The following BBX variants were observed in gnomAD, a reference collection of about 807,000 sequenced individuals.
BBX encodes HMG box transcription factor BBX.
BBX carries 30 observed loss-of-function variants against 100.2 expected under a neutral mutation model. The observed-to-expected ratio is 0.30, with a 90% confidence interval of 0.22 to 0.41. BBX has a LOEUF of 0.41. BBX is among the 10% of genes least tolerant of loss of function. The pLI is 1.00. For missense variants in BBX, 1,023 were observed against 1,129.8 expected, an observed-to-expected ratio of 0.91 and a Z score of 1.35; for synonymous variants, 376 against 388.1, an observed-to-expected ratio of 0.97 and a Z score of 0.37.
intron 2 of BBX, among the ~76,000 whole-genome samples, chr3:107,619,392 T>C (rs935412253): frequency 1.3e-5 from 2 of 152,144 alleles, no homozygotes; most frequent in African/African-American, 4.8e-5. Context: ...ACTTCCTCCA[T>C]TGGTAATATA....
intron 12 of BBX, among the ~76,000 whole-genome samples, chr3:107,777,063 C>T (rs2067376598): frequency 6.6e-6 from 1 of 152,138 alleles, no homozygotes; most frequent in African/African-American, 2.4e-5. Flanking sequence ...ATAAACAACT[C>T]ATAAGTTTTA....
intron 2 of BBX, among the ~76,000 whole-genome samples, chr3:107,613,382 T>A (rs1334617677): frequency 1.3e-5 from 2 of 149,316 alleles, no homozygotes; most frequent in Admixed American, 1.3e-4. Flanking sequence ...TCTCGTATCC[T>A]AAAATACATT....
At chr3:107,555,800 G>A (rs1464485559) in intron 2 of BBX, among the ~76,000 whole-genome samples, 2 of 152,130 alleles carry the variant, frequency 1.3e-5, no homozygotes, top group African/African-American at 4.8e-5. Flanking sequence ...ATCTGAACAA[G>A]TAGTAATTTC....
chr3:107,659,382 A>G (rs1476943622), intron 3 of BBX, among the ~76,000 whole-genome samples: 2 of 152,022 alleles, frequency 1.3e-5, no homozygotes, highest in Non-Finnish European at 2.9e-5. Context: ...TAATATTTAT[A>G]TTAACTAGAG....
At chr3:107,637,038 A>G (rs1019201481) in intron 2 of BBX, among the ~76,000 whole-genome samples, 6 of 152,340 alleles carry the variant, frequency 3.9e-5, no homozygotes, top group East Asian at 3.9e-4. Flanking sequence ...TAATATAGTT[A>G]GAATGTAATA....
rs975038294 is a variant in BBX, at chr3:107,809,650, C to T, written c.*4193C>T. On this transcript the variant is annotated 3_prime_UTR_variant, in exon 18 of 18. Coordinates refer to ENST00000325805, the MANE Select transcript of BBX (RefSeq NM_001142568.3). The stretch of plus-strand genomic sequence containing the variant: ...AGTGTTTTGACTTCACAAACTGCCT[C>T]CTCCAGAGAGAACAATGTATTGCTG... 1 of 152,194 alleles carries T rather than the reference C, an allele frequency of 6.6e-6. No individual in the cohort carries two copies. The highest frequency in any genetic ancestry group is 2.4e-5 in the African/African-American group (1 of 41,448). The allele number at this position is 152,194 out of a possible 1,614,324, so 9.4% of individuals were successfully genotyped here.
At position 107,764,192 on chromosome 3, in the gene BBX, G is replaced by A. The variant is rs140041407; in HGVS notation, c.907-8436G>A. ...TTTCCAGTAGAGACAGGGTTTCACCGTGTTAGTCAGGCTGGTCTCGAACTC... is the reference window on the plus strand; with the variant it reads ...TTTCCAGTAGAGACAGGGTTTCACCATGTTAGTCAGGCTGGTCTCGAACTC... On this transcript the variant is annotated intron_variant, in intron 10 of 17. Transcript: ENST00000325805. 2.4e-3 allele frequency among the ~76,000 whole-genome samples: 364 copies of A among 152,178 alleles called. 2 individuals carry two copies. Among genetic ancestry groups the A allele is most frequent in the African/African-American group, 7.2e-3 (297 of 41,518 alleles).
chr3:107,616,278 T>G (rs2055273540), intron 2 of BBX, among the ~76,000 whole-genome samples: 1 of 151,916 alleles, frequency 6.6e-6, no homozygotes, highest in Admixed American at 6.6e-5. Context: ...AATGGTATAA[T>G]GCAAATATTT....
intron 2 of BBX, among the ~76,000 whole-genome samples, chr3:107,595,095 G>A (rs981169549): frequency 2.2e-4 from 33 of 152,140 alleles, no homozygotes; most frequent in African/African-American, 8.0e-4. Flanking sequence ...TGTTTCAGTG[G>A]GGCAAGCATG....
At chr3:107,535,387 G>A (rs1446889563) in intron 2 of BBX, among the ~76,000 whole-genome samples, 1 of 151,958 alleles carries the variant, frequency 6.6e-6, no homozygotes, top group African/African-American at 2.4e-5. Flanking sequence ...CATTGTCAAA[G>A]ACTAAGCCTT....
At chr3:107,635,134 C>CA (rs35586062) in intron 2 of BBX, among the ~76,000 whole-genome samples, 39,229 of 151,966 alleles carry the variant, frequency 0.26, 6,282 homozygotes, top group East Asian at 0.88. Flanking sequence ...AAAAATAACT[C>CA]AAACACTGTG....
chr3:107,753,608 T>C lies in BBX; in HGVS notation c.826-1990T>C, dbSNP rs143668477. On this transcript the variant is annotated intron_variant, in intron 9 of 17. Coordinates refer to ENST00000325805, the MANE Select transcript of BBX (RefSeq NM_001142568.3). The stretch of plus-strand genomic sequence containing the variant: ...GTGCATCCATGCAGTCAGTCATTCA[T>C]GAGCCTCTCAGTGTGCCATGCACTG... Among the ~76,000 whole-genome samples, 117 of 152,326 alleles carry C rather than the reference T, an allele frequency of 7.7e-4. 2 individuals carry two copies. In the East Asian group the frequency reaches 0.022, roughly 29 times the overall value.
At chr3:107,749,181 T>C (rs2064866148) in intron 9 of BBX, among the ~76,000 whole-genome samples, 1 of 152,218 alleles carries the variant, frequency 6.6e-6, no homozygotes, top group African/African-American at 2.4e-5. Flanking sequence ...ATTTGCTTAA[T>C]TAAACTGAAT....
chr3:107,649,081 C>T (rs1016614154), intron 3 of BBX, among the ~76,000 whole-genome samples: 3 of 152,174 alleles, frequency 2.0e-5, no homozygotes, highest in African/African-American at 4.8e-5. Flanking sequence ...GCACGTCTTA[C>T]GTGGCAGCAG....
At chr3:107,553,566 T>G (rs890760981) in intron 2 of BBX, among the ~76,000 whole-genome samples, 2 of 152,142 alleles carry the variant, frequency 1.3e-5, no homozygotes, top group Non-Finnish European at 2.9e-5. Context: ...AGGAGGGACC[T>G]GGGGCCTAAT....
At chr3:107,652,006 C>T (rs887878980) in intron 3 of BBX, among the ~76,000 whole-genome samples, 1 of 152,212 alleles carries the variant, frequency 6.6e-6, no homozygotes, top group Admixed American at 6.5e-5. Flanking sequence ...TGACTGAATT[C>T]TCTCCCTTGG....
At chr3:107,759,617 T>C (rs892349346) in intron 10 of BBX, among the ~76,000 whole-genome samples, 1 of 152,182 alleles carries the variant, frequency 6.6e-6, no homozygotes, top group African/African-American at 2.4e-5. Flanking sequence ...TTGTCTAATA[T>C]AACAAGTAGA....
rs994354531 is a variant in BBX, at chr3:107,659,845, C to T, written c.-10+13936C>T. 3.3e-5 allele frequency: 30 copies of T among 903,510 alleles called. No homozygotes were observed. The African/African-American group carries it at 4.4e-4, about 13-fold the overall frequency. The allele number at this position is 903,510 out of a possible 1,614,324, so 56.0% of individuals were successfully genotyped here. A position where few individuals can be genotyped will look rare whatever the true frequency, so the allele number is the denominator to read the frequency against. The stretch of plus-strand genomic sequence containing the variant: ...ATGCTGTTCTAGAAATGCATCAGTT[C>T]CTAGCAAGAGGTTTATGGCAGGATA... On this transcript the variant is annotated intron_variant, in intron 3 of 17. Transcript: ENST00000325805.
chr3:107,545,091 TTTA>T (rs1374968839), intron 2 of BBX, among the ~76,000 whole-genome samples: 1 of 151,952 alleles, frequency 6.6e-6, no homozygotes, highest in African/African-American at 2.4e-5. Flanking sequence ...ACCTCTGCGG[TTTA>T]TTGACAAAAG....
Sources: gnomAD v4.1 joint callset for allele counts (sites outside exome capture counted in the v4.1 genomes callset) on GRCh38, gnomAD v4.1.1 for gene constraint, MANE v1.5 for transcripts, NCBI Gene and HGNC (gene_info 2026-07-23, HGNC 2026-07-21) for gene names.